Variants in RASAL2 observed in about 807,000 individuals in gnomAD.
RASAL2 encodes RAS protein activator like 2.
In RASAL2, 58 loss-of-function variants were observed where a neutral mutation model predicts 128.9. The observed-to-expected ratio is 0.45, with a 90% CI of 0.36 to 0.56. The LOEUF is 0.56. Among genes scored for constraint, RASAL2 ranks in the 20% least tolerant of loss-of-function variants. The pLI, the probability that RASAL2 is intolerant of heterozygous loss-of-function variation, is 0.00. For synonymous variants in RASAL2, 561 were observed against 580.8 expected, an observed-to-expected ratio of 0.97 and a Z score of 0.49; for missense variants, 1,360 against 1,601.6, an observed-to-expected ratio of 0.85 and a Z score of 2.57.
At chr1:178,368,733 G>T (rs1671543878) in intron 3 of RASAL2, among the ~76,000 whole-genome samples, 1 of 151,696 alleles carries the variant, frequency 6.6e-6, no homozygotes, top group Non-Finnish European at 1.5e-5. Context: ...AAACTCCTGG[G>T]CTCAAGCGAT....
chr1:178,195,155 A>G (rs1230355188), intron 1 of RASAL2, among the ~76,000 whole-genome samples: 1 of 152,222 alleles, frequency 6.6e-6, no homozygotes, highest in African/African-American at 2.4e-5. Context: ...GTATTAAATG[A>G]CTTGCTCAAA....
At chr1:178,373,609 T>C (rs1230973469) in intron 3 of RASAL2, among the ~76,000 whole-genome samples, 1 of 152,084 alleles carries the variant, frequency 6.6e-6, no homozygotes, top group Non-Finnish European at 1.5e-5. Context: ...ATTAAACATA[T>C]TTTCTGTGCT....
intron 1 of RASAL2, among the ~76,000 whole-genome samples, chr1:178,129,568 G>C (rs1258409028): frequency 1.3e-5 from 2 of 151,940 alleles, no homozygotes; most frequent in Non-Finnish European, 2.9e-5. Flanking sequence ...GTCTTTTGGA[G>C]TATAAAAGTT....
chr1:178,126,560 A>G (rs1659907406), intron 1 of RASAL2, among the ~76,000 whole-genome samples: 2 of 152,330 alleles, frequency 1.3e-5, no homozygotes, highest in Admixed American at 6.5e-5. Flanking sequence ...ACTTTTAACC[A>G]TGTACAGGTA....
rs113744574 is a variant in RASAL2 at position 178,239,860 on chromosome 1, A to G, written c.203-43704A>G. 3.7e-3 allele frequency among the ~76,000 whole-genome samples: 559 copies of G among 152,138 alleles called. 2 individuals carry two copies. The highest frequency in any genetic ancestry group is 0.013 in the African/African-American group (520 of 41,562). On this transcript the variant is annotated intron_variant, in intron 1 of 17. Coordinates refer to ENST00000367649, the MANE Select transcript of RASAL2 (RefSeq NM_170692.4). ...CCTAAACCATGGTTCTTAAAGCTTG[A>G]GCTGGATGGAGGTGTTCTGCCCCTG...
chr1:178,413,661 T>G (rs1314815164), intron 4 of RASAL2, among the ~76,000 whole-genome samples: 1 of 152,082 alleles, frequency 6.6e-6, no homozygotes, highest in East Asian at 1.9e-4. Flanking sequence ...ATCAGAACCA[T>G]CCTCAGAGCA....
intron 3 of RASAL2, chr1:178,389,363 C>T (rs1672762481): frequency 1.6e-6 from 1 of 628,210 alleles, no homozygotes; most frequent in Non-Finnish European, 2.0e-6. Context: ...TATATATATA[C>T]ACATGTATAT....
At chr1:178,255,177 A>C (rs975192184) in intron 1 of RASAL2, among the ~76,000 whole-genome samples, 6 of 152,308 alleles carry the variant, frequency 3.9e-5, no homozygotes, top group African/African-American at 1.4e-4. Flanking sequence ...TCACCAGCAG[A>C]CTTGCCGTAG....
At chr1:178,162,571 AATATAT>A (rs200934374) in intron 1 of RASAL2, among the ~76,000 whole-genome samples, 3 of 126,710 alleles carry the variant, frequency 2.4e-5, no homozygotes, top group Non-Finnish European at 5.0e-5. Context: ...CTTTATATAA[AATATAT>A]ATAATATATA....
At chr1:178,400,940 G>A (rs769614382) in intron 4 of RASAL2, among the ~76,000 whole-genome samples, 9 of 152,078 alleles carry the variant, frequency 5.9e-5, no homozygotes, top group Non-Finnish European at 1.3e-4. Context: ...TAGTAGAGAC[G>A]GAGTTTTGCC....
intron 1 of RASAL2, among the ~76,000 whole-genome samples, chr1:178,250,755 T>C (rs1665013258): frequency 6.6e-6 from 1 of 152,246 alleles, no homozygotes; most frequent in African/African-American, 2.4e-5. Flanking sequence ...GGGACTGCAG[T>C]GAACACTTAT....
intron 2 of RASAL2, among the ~76,000 whole-genome samples, chr1:178,285,846 TTAAG>T (rs1475466564): frequency 3.9e-5 from 6 of 152,294 alleles, no homozygotes; most frequent in African/African-American, 1.2e-4. Context: ...TGAAATAGCT[TTAAG>T]TATAGATAGC....
chr1:178,387,121 T>A (rs1342856813), intron 3 of RASAL2, among the ~76,000 whole-genome samples: 2 of 152,204 alleles, frequency 1.3e-5, no homozygotes, highest in Non-Finnish European at 2.9e-5. Flanking sequence ...AGAACTGGGA[T>A]TCTCCAAAGG....
At position 178,247,057 on chromosome 1, in the gene RASAL2, G is replaced by T. The variant is rs528356998; in HGVS notation, c.203-36507G>T. Among the ~76,000 whole-genome samples the T allele has an allele frequency of 2.0e-5, 3 of 152,268 alleles. No homozygotes were observed. In the South Asian group the frequency reaches 6.2e-4, roughly 32 times the overall value. On this transcript the variant is annotated intron_variant, in intron 1 of 17. Transcript: ENST00000367649. ...TTTGTTGTGTCTTGGCCAGGTTTTG[G>T]AATCAGGATGATGCTGGCCTCATAA...
chr1:178,210,078 C>G (rs1468623223), intron 1 of RASAL2, among the ~76,000 whole-genome samples: 1 of 151,902 alleles, frequency 6.6e-6, no homozygotes, highest in Admixed American at 6.6e-5. Context: ...TCACTTTACT[C>G]TTCTATTTTT....
Position 178,420,637 on chromosome 1 carries a change from C to A in RASAL2, c.674+17C>A. The A allele has an allele frequency of 1.3e-6, 2 of 1,551,244 alleles. No homozygotes were observed. Among genetic ancestry groups the A allele is most frequent in the Admixed American group, 1.9e-5 (1 of 53,618 alleles). ...AGATGACAGGTAGGAAGTTAACTTT[C>A]TTAAAACAAAAAAAGCAGTTTGAGA... On this transcript the variant is annotated intron_variant, in intron 5 of 17. Coordinates refer to ENST00000367649, the MANE Select transcript of RASAL2 (RefSeq NM_170692.4).
At chr1:178,267,032 A>T (rs1222492215) in intron 1 of RASAL2, among the ~76,000 whole-genome samples, 1 of 152,098 alleles carries the variant, frequency 6.6e-6, no homozygotes, top group Non-Finnish European at 1.5e-5. Context: ...TAGACAAGAA[A>T]TGTTTCTGAA....
At chr1:178,400,875 C>T (rs542992654) in intron 4 of RASAL2, among the ~76,000 whole-genome samples, 8 of 152,224 alleles carry the variant, frequency 5.3e-5, no homozygotes, top group African/African-American at 1.9e-4. Context: ...CTCAGCTTCC[C>T]GAGTAGGTGG....
At chr1:178,357,784 G>T (rs563316906) in intron 3 of RASAL2, among the ~76,000 whole-genome samples, 23 of 152,064 alleles carry the variant, frequency 1.5e-4, no homozygotes, top group African/African-American at 4.6e-4. Flanking sequence ...CTTTTTCCAT[G>T]TAAATATTAT....
Sources: allele counts gnomAD v4.1 joint callset (sites outside exome capture counted in the v4.1 genomes callset), GRCh38; gene constraint gnomAD v4.1.1; transcripts MANE v1.5; gene names NCBI Gene and HGNC (gene_info 2026-07-23, HGNC 2026-07-21).